RAB10: variants seen among roughly 807,000 people sequenced by gnomAD.
The protein encoded by RAB10 is RAB10, member RAS oncogene family.
A neutral mutation model predicts 25.7 loss-of-function variants in RAB10; 5 were observed. The observed-to-expected ratio is 0.19, with a 90% CI of 0.10 to 0.41. The LOEUF is 0.41. Among genes scored for constraint, RAB10 ranks in the 10% least tolerant of loss-of-function variants. RAB10 has a pLI of 1.00. For synonymous variants in RAB10, 89 were observed against 86.4 expected (o/e 1.03, Z -0.16); for missense variants, 103 against 245.8 (o/e 0.42, Z 3.89).
intron 3 of RAB10, among the ~76,000 whole-genome samples, chr2:26,110,443 A>G (rs969218202): frequency 6.6e-6 from 1 of 152,174 alleles, no homozygotes; most frequent in African/African-American, 2.4e-5. Flanking sequence ...AATTACTCCA[A>G]AACTCTGTAT....
chr2:26,088,479 C>G (rs1574546133), intron 1 of RAB10, among the ~76,000 whole-genome samples: 2 of 152,282 alleles, frequency 1.3e-5, no homozygotes, highest in East Asian at 3.9e-4. Flanking sequence ...GCAGGAGAGT[C>G]TGATTATTTC....
chr2:26,085,382 T>C (rs7576148), intron 1 of RAB10, among the ~76,000 whole-genome samples: 148,329 of 151,434 alleles, frequency 0.98, 72,657 homozygotes, highest in African/African-American at 0.99. Flanking sequence ...TCTGGCTACT[T>C]GGGAGGTTGA....
chr2:26,081,691 C>T (rs568859074), intron 1 of RAB10, among the ~76,000 whole-genome samples: 8 of 152,094 alleles, frequency 5.3e-5, no homozygotes, highest in South Asian at 4.1e-4. Context: ...TTGTGAACTG[C>T]GTACTATTTT....
intron 1 of RAB10, among the ~76,000 whole-genome samples, chr2:26,072,889 CTTAGTT>C (rs957721122): frequency 6.6e-6 from 1 of 152,050 alleles, no homozygotes; most frequent in Non-Finnish European, 1.5e-5. Context: ...AAATTGTTTT[CTTAGTT>C]TTAATTTGTA....
intron 3 of RAB10, among the ~76,000 whole-genome samples, chr2:26,113,431 A>G (rs1003789530): frequency 2.0e-5 from 3 of 151,848 alleles, no homozygotes; most frequent in Admixed American, 1.3e-4. Flanking sequence ...AAAATCAGCC[A>G]GGTGTGATGG....
intron 1 of RAB10, among the ~76,000 whole-genome samples, chr2:26,040,466 C>T (rs112379760): frequency 3.3e-5 from 5 of 151,932 alleles, no homozygotes; most frequent in African/African-American, 1.2e-4. Flanking sequence ...GAGTTTGAGA[C>T]CAGTCTGGGC....
chr2:26,037,036 A>G (rs1483330808), intron 1 of RAB10, among the ~76,000 whole-genome samples: 1 of 152,082 alleles, frequency 6.6e-6, no homozygotes, highest in African/African-American at 2.4e-5. Flanking sequence ...CCAGCCTCCC[A>G]AAGTGCTGGG....
chr2:26,040,792 A>G (rs1293560025), intron 1 of RAB10, among the ~76,000 whole-genome samples: 1 of 152,162 alleles, frequency 6.6e-6, no homozygotes, highest in Non-Finnish European at 1.5e-5. Context: ...CTTATTGGCT[A>G]TGGTTTTTTG....
chr2:26,039,700 T>C (rs562655457), intron 1 of RAB10, among the ~76,000 whole-genome samples: 57 of 152,218 alleles, frequency 3.7e-4, no homozygotes, highest in Admixed American at 7.9e-4. Flanking sequence ...AATGTTACTT[T>C]ATTGTGTGAT....
At chr2:26,076,377 A>G (rs146112307) in intron 1 of RAB10, among the ~76,000 whole-genome samples, 73 of 152,292 alleles carry the variant, frequency 4.8e-4, no homozygotes, top group Non-Finnish European at 4.9e-4. Flanking sequence ...GTATTTGCTT[A>G]TTGGTGTGTA....
intron 3 of RAB10, among the ~76,000 whole-genome samples, chr2:26,112,090 C>T (rs944120018): frequency 2.0e-5 from 3 of 152,132 alleles, no homozygotes; most frequent in East Asian, 3.8e-4. Context: ...TGGGGAGTAG[C>T]GGCAGGGCTC....
chr2:26,047,945 T>C (rs986469044), intron 1 of RAB10, among the ~76,000 whole-genome samples: 5 of 151,840 alleles, frequency 3.3e-5, no homozygotes, highest in African/African-American at 9.7e-5. Flanking sequence ...AGACTGGTCT[T>C]GAACTCCTGA....
chr2:26,130,446 G>T (rs1387228788), intron 5 of RAB10, among the ~76,000 whole-genome samples: 1 of 151,792 alleles, frequency 6.6e-6, no homozygotes, highest in Admixed American at 6.6e-5. Flanking sequence ...GGGACCACAG[G>T]GGTATGCCAT....
chr2:26,078,510 T>G (rs1666787237), intron 1 of RAB10, among the ~76,000 whole-genome samples: 1 of 152,104 alleles, frequency 6.6e-6, no homozygotes, highest in African/African-American at 2.4e-5. Flanking sequence ...AAATAAAACT[T>G]TAGATTTCTG....
At chr2:26,071,422 C>G (rs1216906483) in intron 1 of RAB10, among the ~76,000 whole-genome samples, 1 of 152,058 alleles carries the variant, frequency 6.6e-6, no homozygotes, top group African/African-American at 2.4e-5. Context: ...GCGCGGTGGC[C>G]CACTCCTGTA....
At chr2:26,127,668 G>T (rs939119501) in intron 4 of RAB10, among the ~76,000 whole-genome samples, 182 bp from the exon 5 acceptor site, 3 of 152,174 alleles carry the variant, frequency 2.0e-5, no homozygotes, top group Non-Finnish European at 4.4e-5. Flanking sequence ...AACTTTTGGG[G>T]TAAGGAGATT....
chr2:26,119,471 G>T (rs1466848352), intron 3 of RAB10, among the ~76,000 whole-genome samples: 3 of 151,108 alleles, frequency 2.0e-5, no homozygotes, highest in African/African-American at 7.3e-5. Context: ...CTTAGTTTTT[G>T]TGTTTTGTTA....
At chr2:26,033,989 A>T, upstream of RAB10, 1 of 397,794 alleles carries the variant, frequency 2.5e-6, no homozygotes, top group Admixed American at 4.4e-5. Context: ...TCCACTCGCC[A>T]CTTCGGCGCG....
At chr2:26,035,903 G>C (rs1178086809) in intron 1 of RAB10, among the ~76,000 whole-genome samples, 1 of 152,160 alleles carries the variant, frequency 6.6e-6, no homozygotes, top group African/African-American at 2.4e-5. Flanking sequence ...AAATTATACT[G>C]AAATTAAATT....
Sources: gnomAD v4.1 joint callset for allele counts (sites outside exome capture counted in the v4.1 genomes callset) on GRCh38, gnomAD v4.1.1 for gene constraint, MANE v1.5 for transcripts, NCBI Gene and HGNC (gene_info 2026-07-23, HGNC 2026-07-21) for gene names.